PHACTR3: variants seen among roughly 807,000 people sequenced by gnomAD.
The protein encoded by PHACTR3 is phosphatase and actin regulator 3, also known as protein phosphatase 1, regulatory subunit 123.
In PHACTR3, 16 loss-of-function variants were observed where a neutral mutation model predicts 66.8. That is an observed-to-expected ratio of 0.24 (90% CI 0.16 to 0.36). The LOEUF is 0.36. PHACTR3 is among the 10% of genes least tolerant of loss of function. PHACTR3 has a pLI of 1.00. For synonymous variants in PHACTR3, 323 were observed against 292.1 expected (o/e 1.11, Z -1.08); for missense variants, 647 against 719.9 (o/e 0.90, Z 1.16).
chr20:59,788,200 G>T lies in PHACTR3; in HGVS notation c.1174+13710G>T, dbSNP rs527516962. Among the ~76,000 whole-genome samples the T allele has an allele frequency of 3.4e-4, 52 of 152,206 alleles. 1 individual carries two copies. The highest frequency in any genetic ancestry group is 1.2e-3 in the African/African-American group (48 of 41,524). On this transcript the variant is annotated intron_variant, in intron 7 of 12. Transcript: ENST00000371015. ...CTCCCACACATAAGTGAGAACATACGATGTTTGGTTTTCCATTCCTGAGTT... is the reference window on the plus strand; with the variant it reads ...CTCCCACACATAAGTGAGAACATACTATGTTTGGTTTTCCATTCCTGAGTT...
At chr20:59,749,168 A>T (rs1233805006) in intron 3 of PHACTR3, among the ~76,000 whole-genome samples, 1 of 152,060 alleles carries the variant, frequency 6.6e-6, no homozygotes, top group East Asian at 1.9e-4. Flanking sequence ...AATCTGGAGG[A>T]TTTTCACTGG....
rs2042011070 is a variant in PHACTR3, at chr20:59,820,794, G to T, written c.1328+14600G>T. Among the ~76,000 whole-genome samples the T allele has an allele frequency of 6.6e-6, 1 of 152,208 alleles. No homozygotes were observed. On this transcript the variant is annotated intron_variant, in intron 8 of 12. Coordinates refer to ENST00000371015, the MANE Select transcript of PHACTR3 (RefSeq NM_080672.5). This position sits in a 1 kb window ranked among gnomAD's most constrained non-coding sequence, Gnocchi z 4.6. ...GCAAAACAACATCAACCCCCATTCA[G>T]TGTCAATAAAACATGATTCCCAAAC...
chr20:59,676,607 G>A, intron 1 of PHACTR3: 1 of 726,154 alleles, frequency 1.4e-6, no homozygotes, highest in Non-Finnish European at 1.7e-6. Flanking sequence ...AGCGGAGCGA[G>A]TCCCCAGGAG....
intron 3 of PHACTR3, among the ~76,000 whole-genome samples, chr20:59,754,492 T>C (rs958980117): frequency 2.0e-5 from 3 of 152,250 alleles, no homozygotes; most frequent in African/African-American, 7.2e-5. Flanking sequence ...TGTATCTTAC[T>C]AACCTCCACC....
chr20:59,845,157 C>T, intron 11 of PHACTR3, 32 bp from the exon 12 acceptor site: 1 of 1,338,994 alleles, frequency 7.5e-7, no homozygotes. Flanking sequence ...TTTTAATATC[C>T]TGTAAAACAA....
chr20:59,753,180 C>T (rs979902465), intron 3 of PHACTR3, among the ~76,000 whole-genome samples: 11 of 152,082 alleles, frequency 7.2e-5, no homozygotes, highest in South Asian at 2.1e-4. Flanking sequence ...GGTTGCAGCA[C>T]GGGGGATACA....
intron 4 of PHACTR3, among the ~76,000 whole-genome samples, chr20:59,760,069 C>T (rs149995401): frequency 1.2e-3 from 181 of 152,082 alleles, no homozygotes; most frequent in African/African-American, 4.0e-3. Context: ...TGCTGGGGGT[C>T]GGGGAGAGGG....
intron 1 of PHACTR3, among the ~76,000 whole-genome samples, chr20:59,623,350 C>T (rs78605140): frequency 9.2e-5 from 14 of 152,166 alleles, no homozygotes; most frequent in East Asian, 7.7e-4. Context: ...TAGTATTGTA[C>T]GCACCATGCA....
intron 1 of PHACTR3, among the ~76,000 whole-genome samples, chr20:59,617,545 AT>A (rs200116872): frequency 0.056 from 8,324 of 147,802 alleles, 276 homozygotes; most frequent in South Asian, 0.14. Context: ...GATTCCAGTC[AT>A]TTTTTTTTTT....
intron 1 of PHACTR3, among the ~76,000 whole-genome samples, chr20:59,693,403 T>C (rs996532830): frequency 6.6e-6 from 1 of 152,184 alleles, no homozygotes; most frequent in African/African-American, 2.4e-5. Context: ...GGGGTAAACA[T>C]TTAGGTTTCT....
At chr20:59,685,669 C>T (rs2036835930) in intron 1 of PHACTR3, among the ~76,000 whole-genome samples, 1 of 152,244 alleles carries the variant, frequency 6.6e-6, no homozygotes, top group Non-Finnish European at 1.5e-5. Flanking sequence ...GTCTTTGCCT[C>T]TACCGTGCTG....
At chr20:59,604,327 C>T (rs1286600365), upstream of PHACTR3, among the ~76,000 whole-genome samples, 1 of 152,090 alleles carries the variant, frequency 6.6e-6, no homozygotes, top group Admixed American at 6.5e-5. Context: ...AGGAAGCTTT[C>T]CTGTTTCTAG....
At chr20:59,791,179 G>C (rs73307116) in intron 7 of PHACTR3, among the ~76,000 whole-genome samples, 1 of 152,062 alleles carries the variant, frequency 6.6e-6, no homozygotes, top group African/African-American at 2.4e-5. Flanking sequence ...TGAGAGCTCC[G>C]CCATCATGGA....
At chr20:59,693,215 C>A (rs761898243) in intron 1 of PHACTR3, among the ~76,000 whole-genome samples, 7 of 152,178 alleles carry the variant, frequency 4.6e-5, no homozygotes. Context: ...GCGTCTGGCA[C>A]AGACGTCCTC....
intron 6 of PHACTR3, 116 bp from the exon 7 acceptor site, chr20:59,774,127 G>A: frequency 7.4e-7 from 1 of 1,347,122 alleles, no homozygotes; most frequent in Non-Finnish European, 1.0e-6. Context: ...AAAACCAAGA[G>A]GTCACATGCA....
intron 8 of PHACTR3, among the ~76,000 whole-genome samples, chr20:59,809,215 G>A (rs1279450285): frequency 1.3e-5 from 2 of 152,108 alleles, no homozygotes; most frequent in Non-Finnish European, 1.5e-5. Context: ...AGGTGAGGCC[G>A]GCCCGGGGTG....
At chr20:59,725,439 T>C (rs896601925) in intron 1 of PHACTR3, among the ~76,000 whole-genome samples, 2 of 151,430 alleles carry the variant, frequency 1.3e-5, no homozygotes, top group Admixed American at 6.6e-5. Context: ...AGGTGGGCTG[T>C]GTGCCTTATT....
intron 1 of PHACTR3, among the ~76,000 whole-genome samples, chr20:59,585,320 G>A (rs775387722): frequency 6.6e-6 from 1 of 152,140 alleles, no homozygotes; most frequent in African/African-American, 2.4e-5. Context: ...GCCATTTTTG[G>A]GGAAAATCCC....
chr20:59,629,465 G>T (rs934181062), intron 1 of PHACTR3, among the ~76,000 whole-genome samples: 2 of 152,216 alleles, frequency 1.3e-5, no homozygotes, highest in African/African-American at 4.8e-5. Context: ...CTCTCTCGCA[G>T]TGCTGGAGGC....
Sources: allele counts gnomAD v4.1 joint callset (sites outside exome capture counted in the v4.1 genomes callset), GRCh38; gene constraint gnomAD v4.1.1; non-coding constraint Gnocchi (gnomAD v3.1); transcripts MANE v1.5; gene names NCBI Gene and HGNC (gene_info 2026-07-23, HGNC 2026-07-21).